DDX10: variants seen among roughly 807,000 people sequenced by gnomAD.
DDX10 encodes the protein DEAD-box helicase 10.
Under a neutral mutation model 104.3 loss-of-function variants are expected in DDX10, and 74 were observed. The observed-to-expected ratio is 0.71, with a 90% CI of 0.59 to 0.86. DDX10 has a LOEUF of 0.86. Ranked by LOEUF, DDX10 falls within the 40% of genes least tolerant of loss-of-function variation. The pLI is 0.00. For missense variants in DDX10, 952 were observed against 1,040.0 expected (o/e 0.92, Z 1.16); for synonymous variants, 351 against 353.4 (o/e 0.99, Z 0.08).
intron 16 of DDX10, among the ~76,000 whole-genome samples, chr11:108,902,847 T>C (rs1296140913): frequency 1.3e-5 from 2 of 152,130 alleles, no homozygotes; most frequent in African/African-American, 4.8e-5. Flanking sequence ...AATAATCCTT[T>C]CCATTTGTTA....
At chr11:108,709,762 TG>T (rs2094281570) in intron 10 of DDX10, among the ~76,000 whole-genome samples, 1 of 152,186 alleles carries the variant, frequency 6.6e-6, no homozygotes. Flanking sequence ...ATTGATTTCC[TG>T]TTTTCAATTT....
intron 13 of DDX10, among the ~76,000 whole-genome samples, chr11:108,811,737 C>G (rs1476642567): frequency 2.6e-5 from 4 of 152,018 alleles, no homozygotes; most frequent in Non-Finnish European, 5.9e-5. Context: ...GGCTCTATGT[C>G]CAGTTATATT....
chr11:108,700,673 G>A (rs936822188), intron 9 of DDX10, among the ~76,000 whole-genome samples: 1 of 152,182 alleles, frequency 6.6e-6, no homozygotes. Flanking sequence ...AGGAATCTTA[G>A]GTTTGAATTG....
chr11:108,808,283 T>A (rs1433164183), intron 13 of DDX10, among the ~76,000 whole-genome samples: 1 of 151,978 alleles, frequency 6.6e-6, no homozygotes, highest in Non-Finnish European at 1.5e-5. Context: ...GAATGTAATA[T>A]GTAGACTACC....
At chr11:108,882,838 C>T (rs553796953) in intron 16 of DDX10, among the ~76,000 whole-genome samples, 8 of 152,216 alleles carry the variant, frequency 5.3e-5, no homozygotes, top group African/African-American at 1.4e-4. Flanking sequence ...TTTGCTTTTG[C>T]TGGGCCAATG....
At chr11:108,757,486 A>G (rs540645743) in intron 13 of DDX10, among the ~76,000 whole-genome samples, 2 of 152,200 alleles carry the variant, frequency 1.3e-5, no homozygotes, top group South Asian at 4.1e-4. Flanking sequence ...CAAGGTTCCT[A>G]GGTTGCAATA....
chr11:108,710,639 A>T (rs1240593565), intron 10 of DDX10, among the ~76,000 whole-genome samples: 1 of 152,112 alleles, frequency 6.6e-6, no homozygotes, highest in Non-Finnish European at 1.5e-5. Flanking sequence ...GTGTTTTTAT[A>T]AGTAGAAGGA....
chr11:108,773,747 G>A lies in DDX10; in HGVS notation c.1965+50285G>A, dbSNP rs142447704. ...AAAATATAGTAAGGGCATTTAATTT[G>A]CATCTTAGAGTTCCCTATAAAAAGG... On this transcript the variant is annotated intron_variant, in intron 13 of 17. Transcript: ENST00000322536. Among the ~76,000 whole-genome samples the A allele has an allele frequency of 1.4e-3, 213 of 152,188 alleles. 2 individuals are homozygous for A. Among genetic ancestry groups the A allele is most frequent in the African/African-American group, 4.8e-3 (199 of 41,528 alleles).
chr11:108,857,474 G>C (rs1862886200), intron 16 of DDX10, among the ~76,000 whole-genome samples: 1 of 152,128 alleles, frequency 6.6e-6, no homozygotes, highest in Non-Finnish European at 1.5e-5. Flanking sequence ...CCCCTGTCTA[G>C]AGCACCGCCA....
chr11:108,831,250 A>G (rs1317263219), intron 13 of DDX10, among the ~76,000 whole-genome samples: 1 of 151,898 alleles, frequency 6.6e-6, no homozygotes, highest in South Asian at 2.1e-4. Context: ...CAAAAAATAT[A>G]AAAATTAGCC....
intron 7 of DDX10, 30 bp downstream of exon 7, chr11:108,689,092 G>A (rs773777930): frequency 8.1e-6 from 13 of 1,609,878 alleles, no homozygotes; most frequent in Middle Eastern, 3.3e-4. Context: ...CTTTCTGAAC[G>A]TATGTTGAAT....
At chr11:108,789,812 G>A (rs1159028889) in intron 13 of DDX10, among the ~76,000 whole-genome samples, 1 of 152,130 alleles carries the variant, frequency 6.6e-6, no homozygotes, top group African/African-American at 2.4e-5. Flanking sequence ...TTCTAGGGCC[G>A]ATTAACTCAA....
At chr11:108,920,857 A>G (rs1244755232) in intron 17 of DDX10, 2 of 152,274 alleles carry the variant, frequency 1.3e-5, no homozygotes, top group Non-Finnish European at 2.9e-5. Context: ...TACCACTAGC[A>G]TTTGGGACAA....
At chr11:108,775,695 T>G (rs1464414836) in intron 13 of DDX10, among the ~76,000 whole-genome samples, 1 of 152,250 alleles carries the variant, frequency 6.6e-6, no homozygotes, top group Non-Finnish European at 1.5e-5. Flanking sequence ...TTTTGTTACT[T>G]TCTCAATATA....
intron 6 of DDX10, among the ~76,000 whole-genome samples, chr11:108,683,808 A>C (rs1490502812): frequency 6.6e-6 from 1 of 152,184 alleles, no homozygotes; most frequent in Non-Finnish European, 1.5e-5. Context: ...AGAATATTAG[A>C]ATGTATGCTG....
chr11:108,770,431 G>A (rs2094361522), intron 13 of DDX10, among the ~76,000 whole-genome samples: 1 of 151,198 alleles, frequency 6.6e-6, no homozygotes, highest in Non-Finnish European at 1.5e-5. Flanking sequence ...CTATCAAATA[G>A]TAGGTCTTAT....
chr11:108,719,719 G>A, intron 11 of DDX10, 78 bp from the exon 12 acceptor site: 1 of 810,288 alleles, frequency 1.2e-6, no homozygotes, highest in South Asian at 1.7e-5. Context: ...TTATCCCATT[G>A]GCTAATTTTC....
intron 15 of DDX10, among the ~76,000 whole-genome samples, chr11:108,846,151 T>C (rs1862714822): frequency 6.6e-6 from 1 of 152,232 alleles, no homozygotes; most frequent in African/African-American, 2.4e-5. Context: ...TGACACATAA[T>C]AATTGTATGT....
chr11:108,937,386 A>G (rs1186855635), intron 17 of DDX10, among the ~76,000 whole-genome samples: 9 of 152,234 alleles, frequency 5.9e-5, no homozygotes, highest in Admixed American at 1.3e-4. Context: ...AATCGGTTCA[A>G]TTTCTCGGAT....
Sources: allele counts gnomAD v4.1 joint callset (sites outside exome capture counted in the v4.1 genomes callset), GRCh38; gene constraint gnomAD v4.1.1; transcripts MANE v1.5; gene names NCBI Gene and HGNC (gene_info 2026-07-23, HGNC 2026-07-21).